CD38: variants seen among roughly 807,000 people sequenced by gnomAD.
CD38 encodes the protein ADP-ribosyl cyclase/cyclic ADP-ribose hydrolase 1.
A neutral mutation model predicts 36.3 loss-of-function variants in CD38; 31 were observed. The ratio of observed to expected loss-of-function variants is 0.85; its 90% CI spans 0.64 to 1.15. The LOEUF (loss-of-function observed/expected upper bound fraction) is 1.15. Ranked by LOEUF, CD38 falls within the 50% of genes most tolerant of loss-of-function variation. The pLI, the probability that CD38 is intolerant of heterozygous loss-of-function variation, is 0.00. For missense variants in CD38, 380 were observed against 371.9 expected, an observed-to-expected ratio of 1.02 and a Z score of -0.18; for synonymous variants, 131 against 135.2, an observed-to-expected ratio of 0.97 and a Z score of 0.22.
intron 1 of CD38, among the ~76,000 whole-genome samples, chr4:15,803,940 A>G (rs1723283314): frequency 1.3e-5 from 2 of 152,158 alleles, no homozygotes; most frequent in Non-Finnish European, 2.9e-5. Flanking sequence ...GTTTAGGATA[A>G]TGGCCTCCAG....
intron 1 of CD38, among the ~76,000 whole-genome samples, chr4:15,791,905 G>C (rs1383814755): frequency 1.1e-4 from 10 of 87,898 alleles, no homozygotes; most frequent in African/African-American, 1.1e-3. Context: ...TGCCCGGCCA[G>C]GACCCCGTCT....
Position 15,778,389 on chromosome 4 carries a change from G to A in CD38, c.-26G>A, listed in dbSNP as rs944316328. Reference sequence around the variant, plus strand: ...CTAGCCTCCTGCCGGCCTCATCTTCGCCCAGCCAACCCCGCCTGGAGCCCT... The same window carrying A: ...CTAGCCTCCTGCCGGCCTCATCTTCACCCAGCCAACCCCGCCTGGAGCCCT... On this transcript the variant is annotated 5_prime_UTR_variant, in exon 1 of 8. Transcript: ENST00000226279. This position sits in a 1 kb window ranked among gnomAD's most constrained non-coding sequence, Gnocchi z 4.9. 42 of 1,557,872 alleles carry A rather than the reference G, an allele frequency of 2.7e-5. No individual in the cohort carries two copies. The highest frequency in any genetic ancestry group is 3.6e-5 in the Non-Finnish European group (41 of 1,130,602).
intron 7 of CD38, 143 bp downstream of exon 7, chr4:15,840,681 A>T (rs1724187836): frequency 6.7e-6 from 4 of 594,342 alleles, no homozygotes; most frequent in Non-Finnish European, 1.2e-5. Flanking sequence ...ACCTCTGGTG[A>T]TCTCTGTCCC....
rs1365412820 is a variant in CD38, at chr4:15,796,079, C to T, written c.233+17432C>T. Among the ~76,000 whole-genome samples, 8 of 152,050 alleles carry T rather than the reference C, an allele frequency of 5.3e-5. No individual in the cohort carries two copies. In the East Asian group the frequency reaches 1.5e-3, roughly 29 times the overall value. On this transcript the variant is annotated intron_variant, in intron 1 of 7. Coordinates refer to ENST00000226279, the MANE Select transcript of CD38 (RefSeq NM_001775.4). ...AGTTTATGAGTTAAATTATCTCTAA[C>T]GTTGTCTAAGTTGGCAGTAATTAAA... is the stretch of plus-strand genomic sequence containing the variant.
At chr4:15,838,517 T>C (rs1416145102) in intron 5 of CD38, among the ~76,000 whole-genome samples, 8 of 152,044 alleles carry the variant, frequency 5.3e-5, no homozygotes, top group African/African-American at 1.9e-4. Context: ...ATGACCTGCC[T>C]CCCCTGCTCC....
chr4:15,852,112 T>C lies in CD38; in HGVS notation c.*3510T>C, dbSNP rs1360257596. 6.6e-6 allele frequency: 1 copy of C among 152,232 alleles called. No homozygotes were observed. The highest frequency in any genetic ancestry group is 2.4e-5 in the African/African-American group (1 of 41,464). 9.4% of individuals were successfully genotyped at this position (152,232 alleles called of 1,614,324 possible). ...ATACTTTCCTGTTACAACAACAGTGTCTCTCAATCCACAGTAATTGCAGCA... is the reference window on the plus strand; with the variant it reads ...ATACTTTCCTGTTACAACAACAGTGCCTCTCAATCCACAGTAATTGCAGCA... On this transcript the variant is annotated 3_prime_UTR_variant, in exon 8 of 8. Transcript: ENST00000226279.
intron 1 of CD38, among the ~76,000 whole-genome samples, chr4:15,791,811 GC>G (rs572643719): frequency 2.4e-5 from 2 of 82,164 alleles, no homozygotes. Flanking sequence ...GGGAGGGTCA[GC>G]CCCCCGCCCG....
intron 1 of CD38, among the ~76,000 whole-genome samples, chr4:15,808,593 G>T (rs1441447169): frequency 2.0e-5 from 3 of 152,228 alleles, no homozygotes; most frequent in Admixed American, 6.5e-5. Flanking sequence ...CTAGTCCAGG[G>T]ATAGCTATTC....
rs1280863442 is a variant in CD38, at chr4:15,851,558, A to T, written c.*2956A>T. On this transcript the variant is annotated 3_prime_UTR_variant, in exon 8 of 8. Coordinates refer to ENST00000226279, the MANE Select transcript of CD38 (RefSeq NM_001775.4). Reference sequence around the variant, plus strand: ...CTATTGTAATGGTTCTTGACCTTATAATGTTTGAGGCACCTTTTCAAATAT... The same window carrying T: ...CTATTGTAATGGTTCTTGACCTTATTATGTTTGAGGCACCTTTTCAAATAT... 6.6e-6 allele frequency: 1 copy of T among 152,174 alleles called. No individual in the cohort carries two copies. Among genetic ancestry groups the T allele is most frequent in the East Asian group, 1.9e-4 (1 of 5,198 alleles). The allele number at this position is 152,174 out of a possible 1,614,324, so 9.4% of individuals were successfully genotyped here. A position where few individuals can be genotyped will look rare whatever the true frequency, so the allele number is the denominator to read the frequency against.
In CD38 at chr4:15,852,703, T is replaced by A. The variant is rs1346103139; in HGVS notation, c.*4101T>A. 1.3e-5 allele frequency: 2 copies of A among 152,112 alleles called. No homozygotes were observed. The highest frequency in any genetic ancestry group is 4.8e-5 in the African/African-American group (2 of 41,426). 9.4% of individuals were successfully genotyped at this position (152,112 alleles called of 1,614,324 possible). ...TTTAAGCAATCCACCAAGAACTCAG[T>A]AGGCAGCTGAGAGGTGCTGCCCAGA... On this transcript the variant is annotated 3_prime_UTR_variant, in exon 8 of 8. Coordinates refer to ENST00000226279, the MANE Select transcript of CD38 (RefSeq NM_001775.4).
intron 1 of CD38, among the ~76,000 whole-genome samples, chr4:15,798,424 C>T (rs1003724020): frequency 1.1e-4 from 17 of 152,170 alleles, no homozygotes; most frequent in African/African-American, 3.4e-4. Flanking sequence ...TCTTTTCATC[C>T]CAAAGTAACA....
chr4:15,780,970 T>G lies in CD38; in HGVS notation c.233+2323T>G, dbSNP rs1447588147. Reference sequence around the variant, plus strand: ...CTAAAAATACAAAATTAGCCGGGTGTTGTGGCGCGTGCCTGTAATCCCAGC... The same window carrying G: ...CTAAAAATACAAAATTAGCCGGGTGGTGTGGCGCGTGCCTGTAATCCCAGC... On this transcript the variant is annotated intron_variant, in intron 1 of 7. Coordinates refer to ENST00000226279, the MANE Select transcript of CD38 (RefSeq NM_001775.4). 5.3e-5 allele frequency among the ~76,000 whole-genome samples: 8 copies of G among 152,106 alleles called. No individual in the cohort carries two copies. The South Asian group carries it at 8.3e-4, about 16-fold the overall frequency.
chr4:15,825,030 CCCTGTGGG>C lies in CD38; in HGVS notation c.499+15_499+22del. Reference sequence around the variant, plus strand: ...TCAACACTTCCAGTGAGGCTCTGGGCCCTGTGGGATTGCCCAGGGATGTGGAGGGTGAA... The same window carrying C: ...TCAACACTTCCAGTGAGGCTCTGGGCATTGCCCAGGGATGTGGAGGGTGAA... On this transcript the variant is annotated intron_variant, in intron 3 of 7. Transcript: ENST00000226279. 1 of 1,597,558 alleles carries C rather than the reference CCCTGTGGG, an allele frequency of 6.3e-7. No homozygotes were observed. The highest frequency in any genetic ancestry group is 8.5e-7 in the Non-Finnish European group (1 of 1,170,810).
chr4:15,783,973 T>C (rs754139783), intron 1 of CD38, among the ~76,000 whole-genome samples: 1 of 152,138 alleles, frequency 6.6e-6, no homozygotes, highest in Non-Finnish European at 1.5e-5. Context: ...GGGTGAGACA[T>C]GGGAGATTCA....
intron 1 of CD38, among the ~76,000 whole-genome samples, chr4:15,799,954 G>C (rs1723182004): frequency 6.6e-6 from 1 of 152,098 alleles, no homozygotes; most frequent in African/African-American, 2.4e-5. Flanking sequence ...TAAAACAGTG[G>C]GCGTTAATAA....
intron 1 of CD38, among the ~76,000 whole-genome samples, chr4:15,785,953 C>G (rs1722811478): frequency 6.6e-6 from 1 of 152,172 alleles, no homozygotes; most frequent in African/African-American, 2.4e-5. Flanking sequence ...AGTGAAGCTG[C>G]AGACCTTCAC....
In CD38 at chr4:15,778,729, G is replaced by A. The variant is rs549135845; in HGVS notation, c.233+82G>A. On this transcript the variant is annotated intron_variant, in intron 1 of 7. Transcript: ENST00000226279. This position sits in a 1 kb window ranked among gnomAD's most constrained non-coding sequence, Gnocchi z 4.9. The stretch of plus-strand genomic sequence containing the variant: ...CGCAGGGAAGCCGCCCGGATCGCCC[G>A]GAACCGGGCATCTTCCGTGGCGGGT... 18 of 994,290 alleles carry A rather than the reference G, an allele frequency of 1.8e-5. No individual in the cohort carries two copies. The South Asian group carries it at 2.3e-4, about 13-fold the overall frequency. The allele number at this position is 994,290 out of a possible 1,614,324, so 61.6% of individuals were successfully genotyped here. A position where few individuals can be genotyped will look rare whatever the true frequency, so the allele number is the denominator to read the frequency against.
At chr4:15,799,041 T>G (rs1026043508) in intron 1 of CD38, among the ~76,000 whole-genome samples, 3 of 152,180 alleles carry the variant, frequency 2.0e-5, no homozygotes, top group African/African-American at 7.2e-5. Context: ...CAAATTTATG[T>G]TTTCTTTTAG....
intron 1 of CD38, among the ~76,000 whole-genome samples, chr4:15,802,353 C>T (rs932247014): frequency 2.0e-5 from 3 of 151,938 alleles, no homozygotes. Context: ...TGTTAAGATT[C>T]CATACTACCC....
Sources: gnomAD v4.1 joint callset for allele counts (sites outside exome capture counted in the v4.1 genomes callset) on GRCh38, gnomAD v4.1.1 for gene constraint, Gnocchi (gnomAD v3.1) non-coding constraint, MANE v1.5 for transcripts, NCBI Gene and HGNC (gene_info 2026-07-23, HGNC 2026-07-21) for gene names.